The following HCN1 variants were observed in gnomAD, a reference collection of about 807,000 sequenced individuals.
The protein encoded by HCN1 is potassium/sodium hyperpolarization-activated cyclic nucleotide-gated channel 1.
A neutral mutation model predicts 78.9 loss-of-function variants in HCN1; 13 were observed. The observed-to-expected ratio is 0.16, with a 90% CI of 0.11 to 0.26. The LOEUF is 0.26. HCN1 is among the 10% of genes least tolerant of loss of function. The pLI, the probability that HCN1 is intolerant of heterozygous loss-of-function variation, is 1.00. For missense variants in HCN1, 810 were observed against 1,154.3 expected (o/e 0.70, Z 4.32); for synonymous variants, 552 against 455.5 (o/e 1.21, Z -2.70).
At chr5:45,411,013 A>G (rs1344152618) in intron 3 of HCN1, among the ~76,000 whole-genome samples, 1 of 152,100 alleles carries the variant, frequency 6.6e-6, no homozygotes, top group East Asian at 1.9e-4. Context: ...GAGGCAAAAC[A>G]CAACTTCTTA....
At chr5:45,639,888 T>G (rs1421057254) in intron 2 of HCN1, among the ~76,000 whole-genome samples, 1 of 152,132 alleles carries the variant, frequency 6.6e-6, no homozygotes, top group Non-Finnish European at 1.5e-5. Flanking sequence ...TGGCACCTTT[T>G]GATTAAGTCC....
At chr5:45,375,428 C>T (rs1160252529) in intron 4 of HCN1, among the ~76,000 whole-genome samples, 3 of 112,438 alleles carry the variant, frequency 2.7e-5, no homozygotes, top group African/African-American at 1.1e-4. Context: ...TTTTATGATA[C>T]ATATTATATA....
rs1741171978 is a variant in HCN1, at chr5:45,462,014, A to G, written c.850-7T>C. ...CATATGTCATGTGGAATATCTGTTG[A>G]CCAAAATATAAAATCAATTCTTATA... On this transcript the variant is annotated splice_polypyrimidine_tract_variant and splice_region_variant and intron_variant, in intron 2 of 7. Coordinates refer to ENST00000303230, the MANE Select transcript of HCN1 (RefSeq NM_021072.4). 1 of 1,610,382 alleles carries G rather than the reference A, an allele frequency of 6.2e-7. No homozygotes were observed. The highest frequency in any genetic ancestry group is 1.3e-5 in the African/African-American group (1 of 74,744).
At chr5:45,479,142 A>T (rs1169577452) in intron 2 of HCN1, among the ~76,000 whole-genome samples, 3 of 150,678 alleles carry the variant, frequency 2.0e-5, no homozygotes, top group African/African-American at 7.4e-5. Context: ...AAAAAAAAAG[A>T]ATGAGTTGAA....
intron 6 of HCN1, among the ~76,000 whole-genome samples, chr5:45,287,230 G>A (rs1349931643): frequency 6.6e-6 from 1 of 151,858 alleles, no homozygotes; most frequent in Non-Finnish European, 1.5e-5. Flanking sequence ...TGTAGGAAGA[G>A]CGGTTACCTG....
rs192678353 is a variant in HCN1, at chr5:45,522,401, T to C, written c.850-60394A>G. Among the ~76,000 whole-genome samples, 257 of 152,052 alleles carry C rather than the reference T, an allele frequency of 1.7e-3. 2 individuals are homozygous for C. Among genetic ancestry groups the C allele is most frequent in the Non-Finnish European group, 2.7e-3 (183 of 67,956 alleles). On this transcript the variant is annotated intron_variant, in intron 2 of 7. Coordinates refer to ENST00000303230, the MANE Select transcript of HCN1 (RefSeq NM_021072.4). ...GATTTGAATTAAATTATGCATTGAGTTTCAAACCTGTGCAAAATGAAAGCA... is the reference window on the plus strand; with the variant it reads ...GATTTGAATTAAATTATGCATTGAGCTTCAAACCTGTGCAAAATGAAAGCA...
intron 2 of HCN1, among the ~76,000 whole-genome samples, chr5:45,593,336 T>A (rs1206404198): frequency 1.8e-3 from 244 of 136,324 alleles, no homozygotes; most frequent in Non-Finnish European, 2.6e-3. Flanking sequence ...TCTCTCTCTC[T>A]CTCTCACACA....
chr5:45,453,433 G>A (rs1740962951), intron 3 of HCN1, among the ~76,000 whole-genome samples: 1 of 152,072 alleles, frequency 6.6e-6, no homozygotes, highest in Non-Finnish European at 1.5e-5. Context: ...TACGACAGTA[G>A]TAAAAGGAAA....
At chr5:45,685,191 C>G (rs1489511924) in intron 1 of HCN1, among the ~76,000 whole-genome samples, 1 of 152,184 alleles carries the variant, frequency 6.6e-6, no homozygotes, top group Admixed American at 6.5e-5. Flanking sequence ...CAGGTTATAA[C>G]TCATCTTATT....
intron 2 of HCN1, among the ~76,000 whole-genome samples, chr5:45,547,967 C>A (rs1410095051): frequency 6.6e-6 from 1 of 151,852 alleles, no homozygotes; most frequent in African/African-American, 2.4e-5. Flanking sequence ...TTTCAAATCA[C>A]TATTTGTGTT....
chr5:45,345,386 T>C (rs767941509), intron 5 of HCN1, among the ~76,000 whole-genome samples: 5 of 152,214 alleles, frequency 3.3e-5, no homozygotes, highest in Non-Finnish European at 7.3e-5. Flanking sequence ...TTGTCACTGA[T>C]GTAAATTGCT....
At chr5:45,428,427 A>G (rs560969849) in intron 3 of HCN1, among the ~76,000 whole-genome samples, 12 of 152,092 alleles carry the variant, frequency 7.9e-5, no homozygotes, top group Admixed American at 3.9e-4. Context: ...CTTTTCAACT[A>G]TCTTATTGCT....
At chr5:45,686,571 C>T (rs1739813263) in intron 1 of HCN1, among the ~76,000 whole-genome samples, 1 of 152,154 alleles carries the variant, frequency 6.6e-6, no homozygotes, top group African/African-American at 2.4e-5. Context: ...CCATTAGGTA[C>T]TGTTGAACCA....
At chr5:45,495,845 T>C (rs1232986348) in intron 2 of HCN1, among the ~76,000 whole-genome samples, 1 of 152,214 alleles carries the variant, frequency 6.6e-6, no homozygotes, top group East Asian at 1.9e-4. Context: ...ATTTTCTGCA[T>C]CTATTGAGAT....
At chr5:45,629,770 A>G (rs1394131740) in intron 2 of HCN1, among the ~76,000 whole-genome samples, 1 of 152,156 alleles carries the variant, frequency 6.6e-6, no homozygotes, top group Admixed American at 6.6e-5. Context: ...CTATTGGTTT[A>G]GACAAAAAAC....
intron 5 of HCN1, among the ~76,000 whole-genome samples, chr5:45,321,273 C>T (rs1005930568): frequency 4.6e-5 from 7 of 151,728 alleles, no homozygotes; most frequent in Admixed American, 2.0e-4. Flanking sequence ...CTAGGTAGTT[C>T]GCATATTATA....
Position 45,269,890 on chromosome 5 carries a change from T to C in HCN1, c.1619-2637A>G, listed in dbSNP as rs1015816884. 2.6e-5 allele frequency among the ~76,000 whole-genome samples: 4 copies of C among 152,206 alleles called. No individual in the cohort carries two copies. The East Asian group carries it at 7.7e-4, about 29-fold the overall frequency. On this transcript the variant is annotated intron_variant, in intron 6 of 7. Transcript: ENST00000303230. ...ATACCTGCTGTCTCCTTGGCTCCCG[T>C]TCTTTGTACGTATATTCCATGTTCC...
intron 6 of HCN1, among the ~76,000 whole-genome samples, chr5:45,279,665 A>C (rs1273439713): frequency 6.6e-6 from 1 of 152,110 alleles, no homozygotes; most frequent in African/African-American, 2.4e-5. Context: ...CAGATTAAAC[A>C]ATCATCAACT....
At chr5:45,469,753 AAAG>A (rs1741350472) in intron 2 of HCN1, among the ~76,000 whole-genome samples, 1 of 151,888 alleles carries the variant, frequency 6.6e-6, no homozygotes, top group Non-Finnish European at 1.5e-5. Flanking sequence ...TACACATTAA[AAAG>A]AATAATTAAA....
Sources: allele counts gnomAD v4.1 joint callset (sites outside exome capture counted in the v4.1 genomes callset), GRCh38; gene constraint gnomAD v4.1.1; transcripts MANE v1.5; gene names NCBI Gene and HGNC (gene_info 2026-07-23, HGNC 2026-07-21).